BIRC6: variants seen among roughly 807,000 people sequenced by gnomAD.
BIRC6 encodes baculoviral IAP repeat containing 6.
Under a neutral mutation model 503.3 loss-of-function variants are expected in BIRC6, and 98 were observed. The observed-to-expected ratio is 0.19, with a 90% CI of 0.17 to 0.23. The LOEUF is 0.23. Among genes scored for constraint, BIRC6 ranks in the 10% least tolerant of loss-of-function variants. The pLI is 1.00. For missense variants in BIRC6, 5,360 were observed against 5,806.0 expected (o/e 0.92, Z 2.50); for synonymous variants, 2,240 against 2,078.7 (o/e 1.08, Z -2.11).
chr2:32,482,981 G>A (rs971499202), intron 39 of BIRC6, among the ~76,000 whole-genome samples: 3 of 149,724 alleles, frequency 2.0e-5, no homozygotes, highest in African/African-American at 4.9e-5. Flanking sequence ...GCAGTGATGT[G>A]ATCCCATCTC....
chr2:32,390,540 C>G (rs964422676), intron 4 of BIRC6, among the ~76,000 whole-genome samples: 3 of 152,062 alleles, frequency 2.0e-5, no homozygotes, highest in Non-Finnish European at 4.4e-5. Context: ...GTCTCGAACT[C>G]CTGACCTCAA....
chr2:32,375,476 T>C (rs1464289070), intron 1 of BIRC6, among the ~76,000 whole-genome samples: 1 of 151,718 alleles, frequency 6.6e-6, no homozygotes, highest in Non-Finnish European at 1.5e-5. Flanking sequence ...ACCCTGTCTC[T>C]AAAAAAACAA....
intron 23 of BIRC6, among the ~76,000 whole-genome samples, chr2:32,461,377 TG>T (rs2047977761): frequency 6.7e-6 from 1 of 150,142 alleles, no homozygotes; most frequent in Non-Finnish European, 1.5e-5. Flanking sequence ...TGTGTGTGTG[TG>T]TGTGTTTAGT....
intron 65 of BIRC6, among the ~76,000 whole-genome samples, chr2:32,555,914 CA>C (rs372061622): frequency 0.019 from 1,603 of 86,046 alleles, 14 homozygotes; most frequent in Middle Eastern, 0.041. Flanking sequence ...GACCCTATCT[CA>C]AAAAAAAAAA....
At chr2:32,403,702 T>G (rs1204480000) in intron 8 of BIRC6, among the ~76,000 whole-genome samples, 1 of 152,168 alleles carries the variant, frequency 6.6e-6, no homozygotes, top group African/African-American at 2.4e-5. Flanking sequence ...CATTTTTACT[T>G]TAACCATAAT....
intron 65 of BIRC6, among the ~76,000 whole-genome samples, chr2:32,572,659 A>G (rs1372931186): frequency 6.6e-6 from 1 of 152,208 alleles, no homozygotes. Flanking sequence ...TTATAATACT[A>G]TAAAATTATA....
At chr2:32,574,163 T>TC (rs894944602) in intron 65 of BIRC6, among the ~76,000 whole-genome samples, 1 of 145,750 alleles carries the variant, frequency 6.9e-6, no homozygotes, top group African/African-American at 2.5e-5. Flanking sequence ...ACTTTTTCTT[T>TC]TTTTTTTTTT....
intron 5 of BIRC6, among the ~76,000 whole-genome samples, chr2:32,393,512 T>C (rs1404638951): frequency 6.6e-6 from 1 of 152,164 alleles, no homozygotes; most frequent in Non-Finnish European, 1.5e-5. Context: ...TATTTAACTT[T>C]ATTTATTTAT....
At chr2:32,586,458 G>T (rs1294322936) in intron 66 of BIRC6, among the ~76,000 whole-genome samples, 2 of 133,126 alleles carry the variant, frequency 1.5e-5, no homozygotes, top group Non-Finnish European at 1.6e-5. Flanking sequence ...TTTGAGACAG[G>T]GTTAAACTCT....
At chr2:32,437,035 T>C (rs1011667433) in intron 15 of BIRC6, among the ~76,000 whole-genome samples, 3 of 151,796 alleles carry the variant, frequency 2.0e-5, no homozygotes, top group African/African-American at 7.3e-5. Context: ...ACTACAGGCG[T>C]GTGCCACAAT....
intron 52 of BIRC6, 116 bp from the exon 53 acceptor site, chr2:32,510,407 GTGT>G: frequency 1.5e-6 from 1 of 683,506 alleles, no homozygotes; most frequent in South Asian, 1.8e-5. Flanking sequence ...AGTTTGTTCT[GTGT>G]TGTTGGAATT....
At chr2:32,369,994 GTA>G (rs1471206655) in intron 1 of BIRC6, among the ~76,000 whole-genome samples, 48 of 99,662 alleles carry the variant, frequency 4.8e-4, no homozygotes, top group South Asian at 7.3e-4. Context: ...ATGTATGTAT[GTA>G]TGTGTGTGTA....
chr2:32,591,646 GAT>G (rs2061387466), intron 66 of BIRC6, among the ~76,000 whole-genome samples: 1 of 152,186 alleles, frequency 6.6e-6, no homozygotes, highest in Non-Finnish European at 1.5e-5. Flanking sequence ...TTCTCTGCAA[GAT>G]ATGTTTCTTT....
chr2:32,392,362 C>G (rs2039339838), intron 5 of BIRC6, among the ~76,000 whole-genome samples: 1 of 152,076 alleles, frequency 6.6e-6, no homozygotes, highest in Non-Finnish European at 1.5e-5. Flanking sequence ...TCAAGTGATT[C>G]CTGTGCCTCA....
intron 66 of BIRC6, among the ~76,000 whole-genome samples, chr2:32,582,306 G>A (rs932948139): frequency 6.6e-6 from 1 of 152,128 alleles, no homozygotes; most frequent in Non-Finnish European, 1.5e-5. Context: ...GAGCCCAGGA[G>A]TTCAAGACCA....
At chr2:32,584,320 A>G (rs2060884961) in intron 66 of BIRC6, among the ~76,000 whole-genome samples, 1 of 152,194 alleles carries the variant, frequency 6.6e-6, no homozygotes. Context: ...AACTGAGGTC[A>G]TTAGTTCAAG....
chr2:32,403,962 C>G (rs903767134), intron 8 of BIRC6, among the ~76,000 whole-genome samples: 2 of 149,040 alleles, frequency 1.3e-5, no homozygotes, highest in African/African-American at 5.0e-5. Context: ...GAGTCTCACC[C>G]TGTCGCCCAG....
Position 32,453,878 on chromosome 2 carries a change from T to G in BIRC6, c.4689T>G (p.Val1563=), listed in dbSNP as rs1386700307. The stretch of plus-strand genomic sequence containing the variant: ...CATCTCTCACTGGACTTTTGGAAGT[T>G]GAACCTCTGCACTTTACTTGTGTGT... ...SFTSLTGLLE[V]EPLHFTCVST... Residue 1563 remains valine, a synonymous_variant, in exon 23 of 74, where the codon GTT becomes GTG. Transcript: ENST00000421745. 6 of 1,613,724 alleles carry G rather than the reference T, an allele frequency of 3.7e-6. No homozygotes were observed. In the Admixed American group the frequency reaches 1.0e-4, roughly 27 times the overall value.
intron 1 of BIRC6, among the ~76,000 whole-genome samples, chr2:32,366,526 C>A (rs1421729676): frequency 6.6e-6 from 1 of 151,892 alleles, no homozygotes. Flanking sequence ...AGTAGTCTGT[C>A]CTTAGGAATG....
Sources: allele counts gnomAD v4.1 joint callset (sites outside exome capture counted in the v4.1 genomes callset), GRCh38; gene constraint gnomAD v4.1.1; transcripts MANE v1.5; gene names NCBI Gene and HGNC (gene_info 2026-07-23, HGNC 2026-07-21).